SAMTOR: variants seen among roughly 807,000 people sequenced by gnomAD.
SAMTOR encodes S-adenosylmethionine sensor upstream of mTORC1, also known as UPF0532 protein C7orf60.
the SAMTOR span, among the ~76,000 whole-genome samples, chr7:112,882,766 T>TAAAA: frequency 4.1e-5 from 5 of 120,614 alleles, no homozygotes; most frequent in South Asian, 2.8e-4. Context: ...CATCTTTTTT[T>TAAAA]AAAAAAAAAA....
At chr7:112,890,646 A>G in the SAMTOR span, among the ~76,000 whole-genome samples, 4 of 150,920 alleles carry the variant, frequency 2.7e-5, no homozygotes, top group Non-Finnish European at 4.4e-5. Context: ...AAATATATAT[A>G]TATTATAAAA....
chr7:112,865,426 C>T, the SAMTOR span, among the ~76,000 whole-genome samples: 3 of 151,948 alleles, frequency 2.0e-5, no homozygotes, highest in Non-Finnish European at 2.9e-5. Context: ...TACAGGCACA[C>T]GCCACCATAC....
At chr7:112,908,385 G>A in the SAMTOR span, among the ~76,000 whole-genome samples, 1 of 152,318 alleles carries the variant, frequency 6.6e-6, no homozygotes, top group Non-Finnish European at 1.5e-5. Context: ...TCTAGAGGCT[G>A]CTGGCCTTTA....
the SAMTOR span, among the ~76,000 whole-genome samples, chr7:112,921,953 C>T: frequency 1.3e-5 from 2 of 151,030 alleles, no homozygotes; most frequent in Admixed American, 6.6e-5. Context: ...CCCCCTCTCC[C>T]TCTCCCTCTC....
the SAMTOR span, among the ~76,000 whole-genome samples, chr7:112,922,257 G>C: frequency 6.6e-6 from 1 of 152,218 alleles, no homozygotes; most frequent in South Asian, 2.1e-4. Flanking sequence ...TTCACTCAGT[G>C]CTCAATGGTG....
At chr7:112,917,719 A>AT in the SAMTOR span, among the ~76,000 whole-genome samples, 1 of 152,174 alleles carries the variant, frequency 6.6e-6, no homozygotes, top group African/African-American at 2.4e-5. Context: ...AGACAAATGT[A>AT]TAACTAGAAT....
At chr7:112,857,253 G>A in the SAMTOR span, among the ~76,000 whole-genome samples, 9 of 150,374 alleles carry the variant, frequency 6.0e-5, 1 homozygote, top group African/African-American at 7.4e-5. Context: ...CACCGCGCCC[G>A]GCTAATTTTT....
At chr7:112,930,888 T>C in the SAMTOR span, among the ~76,000 whole-genome samples, 1 of 152,332 alleles carries the variant, frequency 6.6e-6, no homozygotes, top group East Asian at 1.9e-4. Flanking sequence ...GCTAAAGTCA[T>C]GCTCCTAACC....
At chr7:112,912,127 G>C in the SAMTOR span, among the ~76,000 whole-genome samples, 3 of 151,932 alleles carry the variant, frequency 2.0e-5, no homozygotes, top group Non-Finnish European at 2.9e-5. Flanking sequence ...ACTGTTAACT[G>C]TCTTAATATG....
At chr7:112,928,662 G>A in the SAMTOR span, among the ~76,000 whole-genome samples, 1 of 151,816 alleles carries the variant, frequency 6.6e-6, no homozygotes, top group Non-Finnish European at 1.5e-5. Flanking sequence ...AAACTACAGA[G>A]GATGGCTTTC....
At chr7:112,926,864 A>T in the SAMTOR span, among the ~76,000 whole-genome samples, 1 of 152,132 alleles carries the variant, frequency 6.6e-6, no homozygotes, top group Non-Finnish European at 1.5e-5. Context: ...CTTTTATTTC[A>T]TATATTTATA....
chr7:112,931,689 G>A, the SAMTOR span, among the ~76,000 whole-genome samples: 224 of 152,212 alleles, frequency 1.5e-3, 2 homozygotes, highest in Middle Eastern at 6.8e-3. Context: ...AATGGAAATG[G>A]ATACTCACAT....
the SAMTOR span, chr7:112,895,438 T>C: frequency 1.7e-6 from 1 of 572,686 alleles, no homozygotes; most frequent in Non-Finnish European, 2.8e-6. Context: ...ATATTACCTA[T>C]CTGCATTTCT....
At chr7:112,820,001 T>G in the SAMTOR span, 1 of 152,502 alleles carries the variant, frequency 6.6e-6, no homozygotes, top group Non-Finnish European at 1.5e-5. Context: ...AATCCTTCAG[T>G]GCTTAACTGG....
At chr7:112,838,209 G>A in the SAMTOR span, among the ~76,000 whole-genome samples, 2 of 151,870 alleles carry the variant, frequency 1.3e-5, no homozygotes, top group African/African-American at 4.8e-5. Flanking sequence ...TGATTGTAGG[G>A]TTACAAGTAA....
chr7:112,906,113 G>A, the SAMTOR span, among the ~76,000 whole-genome samples: 2 of 152,154 alleles, frequency 1.3e-5, no homozygotes, highest in African/African-American at 4.8e-5. Flanking sequence ...GTCATGTGTT[G>A]CTTAACAATG....
the SAMTOR span, among the ~76,000 whole-genome samples, chr7:112,865,157 T>C: frequency 2.0e-5 from 3 of 152,308 alleles, no homozygotes; most frequent in Non-Finnish European, 2.9e-5. Context: ...AATTTTAAAA[T>C]TGGCATTCTC....
At chr7:112,916,144 TA>T in the SAMTOR span, among the ~76,000 whole-genome samples, 1 of 152,150 alleles carries the variant, frequency 6.6e-6, no homozygotes, top group Admixed American at 6.6e-5. Context: ...TTGTAAGCCT[TA>T]AAAAATGTCC....
At chr7:112,920,769 A>T in the SAMTOR span, among the ~76,000 whole-genome samples, 4 of 151,468 alleles carry the variant, frequency 2.6e-5, no homozygotes, top group East Asian at 7.7e-4. Flanking sequence ...ATACAAAATC[A>T]ATGTACAAAA....
Sources: allele counts gnomAD v4.1 joint callset (sites outside exome capture counted in the v4.1 genomes callset), GRCh38; gene constraint gnomAD v4.1.1; transcripts MANE v1.5; gene names NCBI Gene and HGNC (gene_info 2026-07-23, HGNC 2026-07-21).